LRBA: variants seen among roughly 807,000 people sequenced by gnomAD.
LRBA encodes the protein LPS responsive beige-like anchor protein.
In LRBA, 176 loss-of-function variants were observed where a neutral mutation model predicts 330.0. That is an observed-to-expected ratio of 0.53 (90% CI 0.47 to 0.60). The LOEUF (loss-of-function observed/expected upper bound fraction) is 0.60. LRBA is among the 20% of genes least tolerant of loss of function. The pLI is 0.00. For synonymous variants in LRBA, 1,230 were observed against 1,193.0 expected, an observed-to-expected ratio of 1.03 and a Z score of -0.64; for missense variants, 3,259 against 3,444.8, an observed-to-expected ratio of 0.95 and a Z score of 1.35.
chr4:150,787,565 G>T (rs1739265783), intron 34 of LRBA, among the ~76,000 whole-genome samples: 2 of 151,704 alleles, frequency 1.3e-5, no homozygotes, highest in African/African-American at 4.8e-5. Flanking sequence ...ATATTTATGG[G>T]GTACATGAGA....
At chr4:150,625,394 C>T (rs1581847892) in intron 37 of LRBA, among the ~76,000 whole-genome samples, 1 of 152,172 alleles carries the variant, frequency 6.6e-6, no homozygotes, top group African/African-American at 2.4e-5. Flanking sequence ...AAGGAGCAGG[C>T]AGAATTATAT....
At chr4:150,562,182 C>T (rs367732029) in intron 40 of LRBA, among the ~76,000 whole-genome samples, 1 of 152,148 alleles carries the variant, frequency 6.6e-6, no homozygotes. Flanking sequence ...CTATTCAATG[C>T]CTTTTACCCT....
intron 44 of LRBA, among the ~76,000 whole-genome samples, chr4:150,463,958 AT>A (rs1755109015): frequency 6.6e-6 from 1 of 151,602 alleles, no homozygotes. Flanking sequence ...TAAAAGGGTT[AT>A]GAGAACTTTT....
chr4:150,277,800 T>TC (rs1297936724), intron 56 of LRBA, 53 bp downstream of exon 56: 16 of 1,564,380 alleles, frequency 1.0e-5, no homozygotes, highest in Non-Finnish European at 1.2e-5. Context: ...ACACGACCAG[T>TC]CCCCTCTGCA....
Position 150,893,151 on chromosome 4 carries a change from T to C in LRBA, c.2068-2A>G. On this transcript the variant is annotated splice_acceptor_variant, in intron 16 of 56. Coordinates refer to ENST00000651943, the MANE Select transcript of LRBA (RefSeq NM_001364905.1). LOFTEE classifies it high-confidence loss of function. ...TAGGACATCCATTAGATTGTCATCC[T>C]ATAATCATTTTAGAAATTTTTTTTA... 1 of 1,575,150 alleles carries C rather than the reference T, an allele frequency of 6.3e-7. No individual in the cohort carries two copies. The highest frequency in any genetic ancestry group is 8.7e-7 in the Non-Finnish European group (1 of 1,153,024).
chr4:150,376,467 G>GTA, intron 47 of LRBA, among the ~76,000 whole-genome samples: 1 of 152,316 alleles, frequency 6.6e-6, no homozygotes, highest in South Asian at 2.1e-4. Flanking sequence ...AAGAGTTCAA[G>GTA]TATATACCCT....
intron 40 of LRBA, among the ~76,000 whole-genome samples, chr4:150,507,541 C>G (rs537024279): frequency 6.6e-6 from 1 of 152,276 alleles, no homozygotes; most frequent in South Asian, 2.1e-4. Context: ...GAAGCTGAAA[C>G]TGGATCCCTT....
At chr4:150,977,315 G>T (rs1740296787) in intron 2 of LRBA, among the ~76,000 whole-genome samples, 1 of 152,146 alleles carries the variant, frequency 6.6e-6, no homozygotes. Flanking sequence ...CAGTCATGAG[G>T]ACCCCATTCC....
In LRBA at chr4:150,915,655, C is replaced by T. The variant is rs1327290055; in HGVS notation, c.967G>A (p.Glu323Lys). ...GTTATCTCTCCATAGGAAGCCAGCT[C>T]ACCATTCACATAACATCGAAGTTCA... ...NSELRCYVNGELASYGEITWF... is the reference protein window; with the variant it reads ...NSELRCYVNGKLASYGEITWF... The change falls in exon 8 of 57, where the codon GAG (glutamate) becomes AAG (lysine). Residue 323 changes from glutamate (E) to lysine (K), a missense_variant. Transcript: ENST00000651943. The T allele has an allele frequency of 6.2e-7, 1 of 1,612,652 alleles. No homozygotes were observed. The highest frequency in any genetic ancestry group is 1.3e-5 in the African/African-American group (1 of 75,000).
chr4:150,357,560 A>C (rs1315927689), intron 47 of LRBA, among the ~76,000 whole-genome samples: 1 of 151,972 alleles, frequency 6.6e-6, no homozygotes, highest in Non-Finnish European at 1.5e-5. Flanking sequence ...TAACATTTCA[A>C]CCTTAGGTCA....
chr4:150,762,940 A>G (rs1397904416), intron 34 of LRBA, among the ~76,000 whole-genome samples: 2 of 151,784 alleles, frequency 1.3e-5, no homozygotes, highest in African/African-American at 4.8e-5. Flanking sequence ...TTTCTTTTTC[A>G]TTCTCATCCT....
chr4:150,575,033 C>T (rs900427354), intron 40 of LRBA, among the ~76,000 whole-genome samples: 1 of 151,860 alleles, frequency 6.6e-6, no homozygotes, highest in Non-Finnish European at 1.5e-5. Context: ...TATACCAAAT[C>T]AGTCAGAAAA....
intron 2 of LRBA, among the ~76,000 whole-genome samples, chr4:150,991,898 T>C (rs1425944160): frequency 6.6e-6 from 1 of 152,164 alleles, no homozygotes; most frequent in Non-Finnish European, 1.5e-5. Context: ...AAACACATAA[T>C]TTGAACAAGG....
intron 40 of LRBA, among the ~76,000 whole-genome samples, chr4:150,509,438 A>G (rs1294803040): frequency 1.3e-5 from 2 of 152,086 alleles, no homozygotes; most frequent in Non-Finnish European, 2.9e-5. Context: ...CTAAATGCAT[A>G]TATTAATGTG....
chr4:150,985,837 TG>T (rs1311553445), intron 2 of LRBA, among the ~76,000 whole-genome samples: 5 of 151,944 alleles, frequency 3.3e-5, no homozygotes. Context: ...TATATCATGT[TG>T]TTAGGAGGAA....
intron 55 of LRBA, among the ~76,000 whole-genome samples, chr4:150,281,185 A>G (rs1441121299): frequency 1.3e-5 from 2 of 152,208 alleles, no homozygotes; most frequent in Non-Finnish European, 2.9e-5. Flanking sequence ...TCGCAACTCA[A>G]AGTGACAGAT....
intron 48 of LRBA, among the ~76,000 whole-genome samples, chr4:150,348,228 T>C (rs370486095): frequency 3.9e-5 from 6 of 152,304 alleles, no homozygotes; most frequent in Non-Finnish European, 7.4e-5. Flanking sequence ...GAGTGACTCA[T>C]AGAGGAAATA....
rs1470057647 is a variant in LRBA at position 150,389,853 on chromosome 4, C to G, written c.7194+25585G>C. On this transcript the variant is annotated intron_variant, in intron 47 of 56. Coordinates refer to ENST00000651943, the MANE Select transcript of LRBA (RefSeq NM_001364905.1). The stretch of plus-strand genomic sequence containing the variant: ...TACATAATGTCAGTGTTGTCGGCAA[C>G]AAATGTGAGACAATCCATTGTGAAT... Among the ~76,000 whole-genome samples the G allele has an allele frequency of 3.4e-5, 5 of 146,122 alleles. No homozygotes were observed. The Admixed American group carries it at 3.5e-4, about 10-fold the overall frequency.
At chr4:150,516,694 C>A (rs549455906) in intron 40 of LRBA, among the ~76,000 whole-genome samples, 1 of 124,258 alleles carries the variant, frequency 8.0e-6, no homozygotes, top group Non-Finnish European at 1.9e-5. Flanking sequence ...TAATTTATAC[C>A]CCAGAAACAA....
Sources: gnomAD v4.1 joint callset for allele counts (sites outside exome capture counted in the v4.1 genomes callset) on GRCh38, gnomAD v4.1.1 for gene constraint, MANE v1.5 for transcripts, NCBI Gene and HGNC (gene_info 2026-07-23, HGNC 2026-07-21) for gene names.